The following ITGBL1 variants were observed in gnomAD, a reference collection of about 807,000 sequenced individuals.
ITGBL1 encodes integrin beta-like protein 1.
In ITGBL1, 51 loss-of-function variants were observed where a neutral mutation model predicts 68.5. That is an observed-to-expected ratio of 0.74 (90% CI 0.59 to 0.94). The LOEUF (loss-of-function observed/expected upper bound fraction) is 0.94, where lower values mean the gene tolerates loss of function less well. ITGBL1 is among the 40% of genes least tolerant of loss of function. ITGBL1 has a pLI of 0.00. For synonymous variants in ITGBL1, 209 were observed against 227.3 expected (o/e 0.92, Z 0.72); for missense variants, 649 against 647.4 (o/e 1.00, Z -0.03).
At chr13:101,657,854 AAAG>A (rs1198388418) in intron 7 of ITGBL1, among the ~76,000 whole-genome samples, 5 of 152,204 alleles carry the variant, frequency 3.3e-5, no homozygotes, top group African/African-American at 1.2e-4. Context: ...AGCAGTCCTG[AAAG>A]AAGTGGGCAG....
At chr13:101,628,628 G>A (rs2031873724) in intron 7 of ITGBL1, among the ~76,000 whole-genome samples, 1 of 147,820 alleles carries the variant, frequency 6.8e-6, no homozygotes, top group South Asian at 2.1e-4. Flanking sequence ...TTTTAGTAGA[G>A]ACTGTGTTTC....
At chr13:101,698,483 G>C (rs956081394) in intron 8 of ITGBL1, among the ~76,000 whole-genome samples, 4 of 152,098 alleles carry the variant, frequency 2.6e-5, no homozygotes, top group African/African-American at 4.8e-5. Flanking sequence ...ATTACAACCT[G>C]GAAAAGAGTC....
At chr13:101,464,380 A>T (rs2048355294) in intron 2 of ITGBL1, among the ~76,000 whole-genome samples, 1 of 152,062 alleles carries the variant, frequency 6.6e-6, no homozygotes. Context: ...GGCCTCTAAA[A>T]TCTTGGCTTG....
At chr13:101,589,757 A>G (rs892806987) in intron 6 of ITGBL1, among the ~76,000 whole-genome samples, 1 of 152,234 alleles carries the variant, frequency 6.6e-6, no homozygotes, top group Non-Finnish European at 1.5e-5. Flanking sequence ...CACATGCCAA[A>G]GTAAGGACAC....
chr13:101,488,822 T>A (rs184832900), intron 2 of ITGBL1, among the ~76,000 whole-genome samples: 27 of 152,308 alleles, frequency 1.8e-4, no homozygotes, highest in African/African-American at 6.3e-4. Flanking sequence ...ATGCCAATAT[T>A]AGGTTCCCAG....
At chr13:101,623,200 A>G (rs2031653425) in intron 7 of ITGBL1, among the ~76,000 whole-genome samples, 1 of 152,066 alleles carries the variant, frequency 6.6e-6, no homozygotes, top group Non-Finnish European at 1.5e-5. Context: ...AATATTAAAT[A>G]TTAATATGAT....
intron 7 of ITGBL1, among the ~76,000 whole-genome samples, chr13:101,676,377 G>C (rs1594973215): frequency 6.6e-6 from 1 of 152,068 alleles, no homozygotes; most frequent in Non-Finnish European, 1.5e-5. Context: ...ATTAGGAATT[G>C]AGATAATATC....
chr13:101,460,230 G>T (rs9585700), intron 2 of ITGBL1, among the ~76,000 whole-genome samples: 25 of 152,030 alleles, frequency 1.6e-4, no homozygotes, highest in Middle Eastern at 3.4e-3. Flanking sequence ...TCTCTGAGTC[G>T]GAGGCACCAA....
At chr13:101,528,235 A>G (rs922917949) in intron 2 of ITGBL1, among the ~76,000 whole-genome samples, 14 of 151,406 alleles carry the variant, frequency 9.2e-5, no homozygotes, top group African/African-American at 3.1e-4. Flanking sequence ...TTATCCATTT[A>G]ATCTAAGTTT....
At chr13:101,606,322 A>G (rs2030856346) in intron 7 of ITGBL1, among the ~76,000 whole-genome samples, 2 of 151,272 alleles carry the variant, frequency 1.3e-5, no homozygotes, top group Admixed American at 6.6e-5. Context: ...GATGTCTTAC[A>G]TTCTGTATCC....
At chr13:101,520,018 G>C (rs981844207) in intron 2 of ITGBL1, among the ~76,000 whole-genome samples, 1 of 152,096 alleles carries the variant, frequency 6.6e-6, no homozygotes, top group East Asian at 1.9e-4. Flanking sequence ...TGAGCATGTC[G>C]ACATGCTTTT....
At chr13:101,578,363 A>G (rs773367376) in intron 4 of ITGBL1, among the ~76,000 whole-genome samples, 6 of 152,216 alleles carry the variant, frequency 3.9e-5, no homozygotes, top group Non-Finnish European at 8.8e-5. Context: ...GATAAAACAC[A>G]AACTCCTATA....
At chr13:101,640,358 C>A (rs1042868449) in intron 7 of ITGBL1, among the ~76,000 whole-genome samples, 2 of 152,156 alleles carry the variant, frequency 1.3e-5, no homozygotes, top group Admixed American at 1.3e-4. Context: ...GTCTGTTTGA[C>A]AGAAAATGAA....
chr13:101,712,204 C>CCAAT (rs1424627759), intron 9 of ITGBL1: 1 of 152,180 alleles, frequency 6.6e-6, no homozygotes, highest in Non-Finnish European at 1.5e-5. Flanking sequence ...ATGCACTGAG[C>CCAAT]ATTGACAAAC....
chr13:101,608,242 A>T (rs2030965383), intron 7 of ITGBL1, among the ~76,000 whole-genome samples: 1 of 152,110 alleles, frequency 6.6e-6, no homozygotes, highest in African/African-American at 2.4e-5. Flanking sequence ...GAATAGTAGC[A>T]TGCCAAATTC....
intron 7 of ITGBL1, among the ~76,000 whole-genome samples, chr13:101,629,720 C>CTA (rs1369229005): frequency 2.6e-5 from 4 of 151,968 alleles, no homozygotes; most frequent in Non-Finnish European, 5.9e-5. Flanking sequence ...GTTGTATAAC[C>CTA]GTATTTATAG....
intron 2 of ITGBL1, among the ~76,000 whole-genome samples, chr13:101,525,818 T>C (rs952025621): frequency 2.0e-5 from 3 of 152,076 alleles, no homozygotes; most frequent in South Asian, 2.1e-4. Context: ...AATACCTCTA[T>C]TATTAAGCAT....
chr13:101,592,247 G>A (rs1183355393), intron 6 of ITGBL1, among the ~76,000 whole-genome samples: 1 of 152,044 alleles, frequency 6.6e-6, no homozygotes, highest in Non-Finnish European at 1.5e-5. Flanking sequence ...TTCAAGGATT[G>A]TAAACTCCAT....
chr13:101,583,048 C>A (rs180689407), intron 5 of ITGBL1, among the ~76,000 whole-genome samples, 168 bp from the exon 6 acceptor site: 5 of 152,000 alleles, frequency 3.3e-5, no homozygotes, highest in Non-Finnish European at 2.9e-5. Flanking sequence ...ATTAAGGAAT[C>A]TCTATTATCA....
Sources: gnomAD v4.1 joint callset for allele counts (sites outside exome capture counted in the v4.1 genomes callset) on GRCh38, gnomAD v4.1.1 for gene constraint, MANE v1.5 for transcripts, NCBI Gene and HGNC (gene_info 2026-07-23, HGNC 2026-07-21) for gene names.